PRKN: variants seen among roughly 807,000 people sequenced by gnomAD.
The protein encoded by PRKN is E3 ubiquitin-protein ligase parkin.
PRKN carries 56 observed loss-of-function variants against 59.5 expected under a neutral mutation model. The observed-to-expected ratio is 0.94, with a 90% CI of 0.76 to 1.18. PRKN has a LOEUF of 1.18. Ranked by LOEUF, PRKN falls within the 50% of genes most tolerant of loss-of-function variation. The pLI is 0.00. For synonymous variants in PRKN, 250 were observed against 222.1 expected (o/e 1.13, Z -1.12); for missense variants, 657 against 596.4 (o/e 1.10, Z -1.06).
At chr6:161,799,217 A>G (rs1313679615) in intron 6 of PRKN, among the ~76,000 whole-genome samples, 1 of 152,208 alleles carries the variant, frequency 6.6e-6, no homozygotes, top group Non-Finnish European at 1.5e-5. Flanking sequence ...TGTTGACTCC[A>G]CAAACACAGG....
intron 1 of PRKN, among the ~76,000 whole-genome samples, chr6:162,448,722 G>A (rs1005990634): frequency 1.3e-5 from 2 of 151,990 alleles, no homozygotes; most frequent in African/African-American, 4.8e-5. Context: ...CTCTAATCCC[G>A]TGGCTGTAAT....
chr6:161,590,602 A>G (rs1290760924), intron 7 of PRKN, among the ~76,000 whole-genome samples: 1 of 151,758 alleles, frequency 6.6e-6, no homozygotes, highest in African/African-American at 2.4e-5. Context: ...ATGTGGTGGC[A>G]CACGCCTGTA....
At chr6:162,170,526 T>G (rs1043385429) in intron 4 of PRKN, among the ~76,000 whole-genome samples, 1 of 152,206 alleles carries the variant, frequency 6.6e-6, no homozygotes, top group Admixed American at 6.5e-5. Context: ...GAAAAGATAT[T>G]ATTTTCCCCT....
At chr6:162,151,031 T>C (rs1431854349) in intron 4 of PRKN, among the ~76,000 whole-genome samples, 1 of 152,126 alleles carries the variant, frequency 6.6e-6, no homozygotes, top group East Asian at 1.9e-4. Flanking sequence ...AGTGAAGATC[T>C]ATATGAGGCA....
intron 2 of PRKN, among the ~76,000 whole-genome samples, chr6:162,401,883 CA>C (rs1275114344): frequency 6.6e-6 from 1 of 152,076 alleles, no homozygotes; most frequent in Non-Finnish European, 1.5e-5. Context: ...TCCACAGAAG[CA>C]AACAGTTATT....
At position 161,973,517 on chromosome 6, in the gene PRKN, A is replaced by G. The variant is rs139315438; in HGVS notation, c.619-100T>C. On this transcript the variant is annotated intron_variant, in intron 5 of 11. Coordinates refer to ENST00000366898, the MANE Select transcript of PRKN (RefSeq NM_004562.3). ...ACAATCTCTTTGGACAAGAGAAGAA[A>G]TCTGTTACGAGGTGTGAGATGGAAA... The G allele has an allele frequency of 1.6e-3, 1,148 of 731,758 alleles. 9 individuals carry two copies. The African/African-American group carries it at 0.017, about 11-fold the overall frequency. 45.3% of individuals were successfully genotyped at this position (731,758 alleles called of 1,614,324 possible).
intron 1 of PRKN, among the ~76,000 whole-genome samples, chr6:162,536,775 T>C (rs1183488678): frequency 3.3e-5 from 5 of 152,172 alleles, no homozygotes; most frequent in Admixed American, 3.3e-4. Context: ...GCAAGAAATA[T>C]GAATAAACAC....
chr6:162,267,273 T>C (rs1780185830), intron 2 of PRKN: 1 of 152,180 alleles, frequency 6.6e-6, no homozygotes, highest in Non-Finnish European at 1.5e-5. Context: ...AAAATCTTCT[T>C]GGTTCCAGAA....
rs1052092809 is a variant in PRKN at position 161,417,142 on chromosome 6, T to C, written c.1084-30265A>G. 6.6e-6 allele frequency among the ~76,000 whole-genome samples: 1 copy of C among 152,128 alleles called. No individual in the cohort carries two copies. Among genetic ancestry groups the C allele is most frequent in the Admixed American group, 6.5e-5 (1 of 15,268 alleles). ...TCCAGAGTTTCTGATGGCAGCGGGT[T>C]TTTGATGGCCTGTAAAGTCATCTAA... On this transcript the variant is annotated intron_variant, in intron 9 of 11. Transcript: ENST00000366898. This position sits in a 1 kb window ranked among gnomAD's most constrained non-coding sequence, Gnocchi z 5.4.
rs751453906 is a variant in PRKN, at chr6:161,551,999, G to C, written c.934-2996C>G. Among the ~76,000 whole-genome samples, 8 of 152,088 alleles carry C rather than the reference G, an allele frequency of 5.3e-5. No homozygotes were observed. Among genetic ancestry groups the C allele is most frequent in the Non-Finnish European group, 1.0e-4 (7 of 68,018 alleles). On this transcript the variant is annotated intron_variant, in intron 8 of 11. Coordinates refer to ENST00000366898, the MANE Select transcript of PRKN (RefSeq NM_004562.3). The surrounding 1 kb of genome is among the most constrained non-coding windows in gnomAD (Gnocchi z 5.2). ...TAGGCCCAGGTGCAGACAGGCAGAG[G>C]GGTACTGGGATTTGAGGAAGAAGAA...
chr6:162,485,871 G>C (rs1294428669), intron 1 of PRKN, among the ~76,000 whole-genome samples: 1 of 152,154 alleles, frequency 6.6e-6, no homozygotes, highest in Admixed American at 6.5e-5. Context: ...TGGAGAACCT[G>C]AAGGAGCTAA....
At chr6:162,316,910 A>T (rs1782775936) in intron 2 of PRKN, among the ~76,000 whole-genome samples, 1 of 152,148 alleles carries the variant, frequency 6.6e-6, no homozygotes, top group Non-Finnish European at 1.5e-5. Flanking sequence ...AGATTATAGA[A>T]ATTCAAAGAA....
intron 10 of PRKN, among the ~76,000 whole-genome samples, chr6:161,364,189 A>T (rs1480953904): frequency 6.8e-6 from 1 of 147,048 alleles, no homozygotes; most frequent in African/African-American, 2.5e-5. Context: ...AAAAAAAAAG[A>T]AAAGAAAACA....
intron 1 of PRKN, among the ~76,000 whole-genome samples, chr6:162,504,539 T>C (rs769873674): frequency 6.6e-6 from 1 of 152,154 alleles, no homozygotes; most frequent in Non-Finnish European, 1.5e-5. Flanking sequence ...GTACGACAGA[T>C]ACAGCATTCT....
At chr6:162,236,821 G>A (rs111739317) in intron 3 of PRKN, among the ~76,000 whole-genome samples, 4,095 of 145,890 alleles carry the variant, frequency 0.028, 110 homozygotes, top group Middle Eastern at 0.05. Flanking sequence ...AGAGAGAGAG[G>A]GACAGAGAGA....
intron 9 of PRKN, among the ~76,000 whole-genome samples, chr6:161,476,318 C>T (rs148821194): frequency 2.5e-3 from 383 of 152,240 alleles, no homozygotes; most frequent in African/African-American, 8.9e-3. Flanking sequence ...TAATTACATC[C>T]TAAAAAAAGC....
intron 1 of PRKN, among the ~76,000 whole-genome samples, chr6:162,715,470 T>C (rs1214059894): frequency 3.9e-5 from 6 of 152,234 alleles, no homozygotes; most frequent in African/African-American, 1.4e-4. Flanking sequence ...GGTTTGTTTC[T>C]TCTGATTATA....
At chr6:161,591,471 G>C (rs1781723124) in intron 7 of PRKN, among the ~76,000 whole-genome samples, 1 of 152,184 alleles carries the variant, frequency 6.6e-6, no homozygotes. Flanking sequence ...TCCCCGGCTA[G>C]AGTTTTCTGA....
chr6:161,680,632 T>TA (rs1468794186), intron 7 of PRKN, among the ~76,000 whole-genome samples: 2 of 150,244 alleles, frequency 1.3e-5, no homozygotes, highest in Admixed American at 6.6e-5. Context: ...TGAGAAGACT[T>TA]ACTTCATCTC....
Sources: allele counts gnomAD v4.1 joint callset (sites outside exome capture counted in the v4.1 genomes callset), GRCh38; gene constraint gnomAD v4.1.1; non-coding constraint Gnocchi (gnomAD v3.1); transcripts MANE v1.5; gene names NCBI Gene and HGNC (gene_info 2026-07-23, HGNC 2026-07-21).